The following FLRT1 variants were observed in gnomAD, a reference collection of about 807,000 sequenced individuals.
FLRT1 encodes the protein fibronectin leucine rich transmembrane protein 1.
A neutral mutation model predicts 30.9 loss-of-function variants in FLRT1; 14 were observed. The observed-to-expected ratio is 0.45, with a 90% CI of 0.30 to 0.71. The LOEUF is 0.71. Among genes scored for constraint, FLRT1 ranks in the 30% least tolerant of loss-of-function variants. The probability of loss-of-function intolerance (pLI) is 0.08; values close to 1 mark genes in which losing one functional copy is unlikely to be tolerated. For missense variants in FLRT1, 737 were observed against 949.2 expected (o/e 0.78, Z 2.94); for synonymous variants, 368 against 430.4 (o/e 0.85, Z 1.80).
chr11:64,066,744 C>T (rs1277741971), intron 1 of FLRT1, among the ~76,000 whole-genome samples: 1 of 152,208 alleles, frequency 6.6e-6, no homozygotes, highest in Non-Finnish European at 1.5e-5. Flanking sequence ...GGCTTCCTTC[C>T]TACCTTCCAG....
chr11:64,046,253 A>G (rs933595643), intron 1 of FLRT1, among the ~76,000 whole-genome samples: 1 of 152,174 alleles, frequency 6.6e-6, no homozygotes, highest in African/African-American at 2.4e-5. Context: ...AGGAAGCCCC[A>G]GAAGAGGGAC....
At chr11:64,049,013 C>CTGCCTCCTGCCCTGGGGTGCCGGG (rs1211042377) in intron 1 of FLRT1, among the ~76,000 whole-genome samples, 5 of 152,236 alleles carry the variant, frequency 3.3e-5, no homozygotes, top group Non-Finnish European at 7.3e-5. Flanking sequence ...GGGGTGCCGG[C>CTGCCTCCTGCCCTGGGGTGCCGGG]TGCCTCCTGC....
rs753966881 is a variant in FLRT1 at position 64,116,876 on chromosome 11, G to A, written c.609G>A (p.Leu203=). 12 of 1,611,714 alleles carry A rather than the reference G, an allele frequency of 7.4e-6. No homozygotes were observed. Among genetic ancestry groups the A allele is most frequent in the Middle Eastern group, 3.3e-4 (2 of 6,082 alleles). Reference sequence around the variant, plus strand: ...GGCTGCCGCACACGCTGGAGGAGCTGCGGCTGGATGACAACCGCATCTCCA... The same window carrying A: ...GGCTGCCGCACACGCTGGAGGAGCTACGGCTGGATGACAACCGCATCTCCA... ...PSGLPHTLEE[L]RLDDNRISTI... The change falls in exon 3 of 3, where the codon CTG becomes CTA. Residue 203 remains leucine (L), a synonymous_variant. Transcript: ENST00000682287.
chr11:64,062,066 C>G (rs575791776), intron 1 of FLRT1, among the ~76,000 whole-genome samples: 4 of 150,980 alleles, frequency 2.6e-5, no homozygotes, highest in Admixed American at 6.6e-5. Flanking sequence ...GCCTGGCATG[C>G]CTTTGCCCCT....
chr11:64,039,126 A>G (rs369152853), intron 1 of FLRT1, among the ~76,000 whole-genome samples: 192 of 152,278 alleles, frequency 1.3e-3, no homozygotes, highest in African/African-American at 4.2e-3. Flanking sequence ...ACCTGGCCCA[A>G]GGGGCAGTGG....
At position 64,116,886 on chromosome 11, in the gene FLRT1, G is replaced by C. The variant is rs1944993691; in HGVS notation, c.619G>C (p.Asp207His). 1 of 1,611,444 alleles carries C rather than the reference G, an allele frequency of 6.2e-7. No homozygotes were observed. The highest frequency in any genetic ancestry group is 1.3e-5 in the African/African-American group (1 of 74,938). Reference protein sequence around the residue: ...PHTLEELRLDDNRISTIPLHA... With the variant: ...PHTLEELRLDHNRISTIPLHA... ...CACGCTGGAGGAGCTGCGGCTGGAT[G>C]ACAACCGCATCTCCACCATCCCGCT... The change falls in exon 3 of 3, where the codon GAC (aspartate) becomes CAC (histidine). Residue 207 changes from aspartate (D) to histidine (H), a missense_variant. Transcript: ENST00000682287.
At chr11:64,103,069 C>CA (rs36005898) in intron 1 of FLRT1, 125 bp from the exon 2 acceptor site, 1,903 of 139,938 alleles carry the variant, frequency 0.014, 31 homozygotes, top group African/African-American at 0.043. Context: ...GACTCCATCT[C>CA]AAAAAAAAAA....
At chr11:64,066,949 T>C (rs1944016323) in intron 1 of FLRT1, among the ~76,000 whole-genome samples, 2 of 152,132 alleles carry the variant, frequency 1.3e-5, no homozygotes, top group African/African-American at 4.8e-5. Flanking sequence ...CCCGCCCCAG[T>C]GCGCTACGGA....
chr11:64,110,690 T>C (rs916680236), intron 2 of FLRT1, among the ~76,000 whole-genome samples: 1 of 152,106 alleles, frequency 6.6e-6, no homozygotes, highest in Non-Finnish European at 1.5e-5. Flanking sequence ...CTGTCAGTCA[T>C]GGAGCTGGCA....
At chr11:64,110,267 T>G (rs1374670453) in intron 2 of FLRT1, among the ~76,000 whole-genome samples, 1 of 151,724 alleles carries the variant, frequency 6.6e-6, no homozygotes, top group Non-Finnish European at 1.5e-5. Context: ...CTGGGCAACA[T>G]AGCAAAACCC....
chr11:64,063,546 C>G (rs1225638852), intron 1 of FLRT1, among the ~76,000 whole-genome samples: 1 of 152,182 alleles, frequency 6.6e-6, no homozygotes, highest in Non-Finnish European at 1.5e-5. Flanking sequence ...TCCGTTACTG[C>G]CCAGCAGCCA....
At chr11:64,051,948 C>T (rs1307528697) in intron 1 of FLRT1, among the ~76,000 whole-genome samples, 2 of 151,518 alleles carry the variant, frequency 1.3e-5, no homozygotes, top group African/African-American at 2.4e-5. Flanking sequence ...CACTGGTGCC[C>T]GGACAGTGTT....
At chr11:64,110,714 A>C (rs1431957008) in intron 2 of FLRT1, among the ~76,000 whole-genome samples, 1 of 152,182 alleles carries the variant, frequency 6.6e-6, no homozygotes, top group African/African-American at 2.4e-5. Context: ...CGTAACTCAC[A>C]CCACGCTGAA....
chr11:64,085,807 G>A (rs896420146), intron 1 of FLRT1, among the ~76,000 whole-genome samples: 1 of 152,220 alleles, frequency 6.6e-6, no homozygotes, highest in South Asian at 2.1e-4. Flanking sequence ...AGCTGGGCAA[G>A]TCGGGGAATA....
intron 1 of FLRT1, among the ~76,000 whole-genome samples, chr11:64,099,014 G>A (rs1944625617): frequency 6.6e-6 from 1 of 152,254 alleles, no homozygotes; most frequent in Non-Finnish European, 1.5e-5. Context: ...GTAAAGCTGA[G>A]GGCCTGAGGA....
Position 64,118,420 on chromosome 11 carries a change from A to G in FLRT1, c.*128A>G, listed in dbSNP as rs748415013. ...TCCATGGGTGACTTTCCTCCGCAGAAAGCAAAGTTTGGGGAGGGCTGACGA... is the reference window on the plus strand; with the variant it reads ...TCCATGGGTGACTTTCCTCCGCAGAGAGCAAAGTTTGGGGAGGGCTGACGA... On this transcript the variant is annotated 3_prime_UTR_variant, in exon 3 of 3. Coordinates refer to ENST00000682287, the MANE Select transcript of FLRT1 (RefSeq NM_013280.5). 2.5e-5 allele frequency: 31 copies of G among 1,233,284 alleles called. No individual in the cohort carries two copies. Among genetic ancestry groups the G allele is most frequent in the Non-Finnish European group, 3.3e-5 (31 of 932,148 alleles). The allele number at this position is 1,233,284 out of a possible 1,614,324, so 76.4% of individuals were successfully genotyped here.
chr11:64,043,881 G>T (rs368450301), intron 1 of FLRT1, among the ~76,000 whole-genome samples: 4 of 151,036 alleles, frequency 2.6e-5, no homozygotes, highest in Non-Finnish European at 4.4e-5. Flanking sequence ...GTGCAATCTG[G>T]GCTCACAGCA....
chr11:64,075,864 G>A (rs1199772782), intron 1 of FLRT1, among the ~76,000 whole-genome samples: 1 of 152,172 alleles, frequency 6.6e-6, no homozygotes, highest in Non-Finnish European at 1.5e-5. Flanking sequence ...AGTAGAGACG[G>A]GGTTTCACCA....
rs773022140 is a variant in FLRT1, at chr11:64,118,152, G to A, written c.1885G>A (p.Ala629Thr). ...GATGCTGCCCATCAACCCGTACCGC[G>A]CCAAAGAAGAGTACGTGGTCCACAC... is the stretch of plus-strand genomic sequence containing the variant. The part of the protein sequence containing the change: ...LQMLPINPYR[A>T]KEEYVVHTIF... Residue 629 changes from alanine (A) to threonine (T), a missense_variant, in exon 3 of 3, where the codon GCC becomes ACC. Physicochemically the swap from Ala to Thr is moderately conservative, Grantham distance 58 (BLOSUM62 0). Transcript: ENST00000682287. 9.9e-6 allele frequency: 16 copies of A among 1,613,800 alleles called. No homozygotes were observed. The South Asian group carries it at 1.1e-4, about 11-fold the overall frequency.
Sources: gnomAD v4.1 joint callset for allele counts (sites outside exome capture counted in the v4.1 genomes callset) on GRCh38, gnomAD v4.1.1 for gene constraint, MANE v1.5 for transcripts, NCBI Gene and HGNC (gene_info 2026-07-23, HGNC 2026-07-21) for gene names.